The following SLC1A3 variants were observed in gnomAD, a reference collection of about 807,000 sequenced individuals.
SLC1A3 encodes the protein excitatory amino acid transporter 1.
SLC1A3 carries 21 observed loss-of-function variants against 48.1 expected under a neutral mutation model. That is an observed-to-expected ratio of 0.44 (90% CI 0.31 to 0.63). SLC1A3 has a LOEUF of 0.63. SLC1A3 is among the 20% of genes least tolerant of loss of function. SLC1A3 has a pLI of 0.08. For synonymous variants in SLC1A3, 239 were observed against 251.4 expected, an observed-to-expected ratio of 0.95 and a Z score of 0.47; for missense variants, 546 against 689.0, an observed-to-expected ratio of 0.79 and a Z score of 2.32.
intron 2 of SLC1A3, chr5:36,609,006 T>C (rs1168048612): frequency 2.0e-6 from 2 of 998,540 alleles, no homozygotes; most frequent in Non-Finnish European, 2.4e-6. Flanking sequence ...TAAAATGACA[T>C]GTTGGTTCCA....
intron 3 of SLC1A3, among the ~76,000 whole-genome samples, chr5:36,634,206 G>A (rs999304397): frequency 1.3e-5 from 2 of 152,052 alleles, no homozygotes; most frequent in Admixed American, 6.6e-5. Flanking sequence ...AACCCAGGAG[G>A]CTGAGGTTAC....
Position 36,608,390 on chromosome 5 carries a change from G to C in SLC1A3, c.-34G>C, listed in dbSNP as rs1477257561. 1.2e-6 allele frequency: 2 copies of C among 1,608,618 alleles called. No individual in the cohort carries two copies. Among genetic ancestry groups the C allele is most frequent in the South Asian group, 2.2e-5 (2 of 90,950 alleles). On this transcript the variant is annotated 5_prime_UTR_variant, in exon 2 of 10. Coordinates refer to ENST00000265113, the MANE Select transcript of SLC1A3 (RefSeq NM_004172.5). ...CTGTGGGTGATTCCCAGACACTGAA[G>C]TGCAAAGAAGAGACCCTCCTAGAAA...
intron 1 of SLC1A3, among the ~76,000 whole-genome samples, chr5:36,600,924 G>T (rs1227284330): frequency 3.3e-5 from 5 of 152,262 alleles, no homozygotes; most frequent in Middle Eastern, 3.4e-3. Flanking sequence ...TGTGCTCAAG[G>T]CCCAGTTTCC....
At chr5:36,607,932 T>C (rs1441789116) in intron 1 of SLC1A3, among the ~76,000 whole-genome samples, 1 of 152,190 alleles carries the variant, frequency 6.6e-6, no homozygotes, top group East Asian at 1.9e-4. Flanking sequence ...ACAGCATAAT[T>C]TGTCAAGTAA....
chr5:36,605,310 G>A (rs1490600584), upstream of SLC1A3, among the ~76,000 whole-genome samples: 1 of 152,140 alleles, frequency 6.6e-6, no homozygotes, highest in Non-Finnish European at 1.5e-5. Context: ...AGGAAGGGAA[G>A]GGTCACTGAG....
chr5:36,620,423 G>T (rs911068287), intron 2 of SLC1A3, among the ~76,000 whole-genome samples: 10 of 152,204 alleles, frequency 6.6e-5, no homozygotes, highest in Non-Finnish European at 1.3e-4. Flanking sequence ...CAGTCCCACA[G>T]ACCATGAGAG....
intron 3 of SLC1A3, among the ~76,000 whole-genome samples, chr5:36,658,582 A>T (rs1368975552): frequency 6.6e-6 from 1 of 152,166 alleles, no homozygotes; most frequent in Non-Finnish European, 1.5e-5. Context: ...GGTTAAAAGG[A>T]ATGAGATTTT....
At position 36,608,333 on chromosome 5, in the gene SLC1A3, G is replaced by A. The variant is rs1739043422; in HGVS notation, c.-91G>A. ...TCTCTTTTTCTCCCATTCTAGTTGT[G>A]TTTTCTAATACCAAAGAGGAGGTTT... is the stretch of plus-strand genomic sequence containing the variant. On this transcript the variant is annotated 5_prime_UTR_variant, in exon 2 of 10. Transcript: ENST00000265113. The A allele has an allele frequency of 8.2e-7, 1 of 1,214,512 alleles. No homozygotes were observed. The highest frequency in any genetic ancestry group is 1.2e-6 in the Non-Finnish European group (1 of 833,038). 75.2% of individuals were successfully genotyped at this position (1,214,512 alleles called of 1,614,324 possible). A position where few individuals can be genotyped will look rare whatever the true frequency, so the allele number is the denominator to read the frequency against.
intron 2 of SLC1A3, among the ~76,000 whole-genome samples, chr5:36,609,637 T>G (rs138389788): frequency 1.3e-5 from 2 of 152,222 alleles, no homozygotes; most frequent in African/African-American, 2.4e-5. Flanking sequence ...AAATGAAGTA[T>G]AGCAGGAGAG....
intron 2 of SLC1A3, among the ~76,000 whole-genome samples, chr5:36,616,368 A>G (rs1438494793): frequency 6.6e-6 from 1 of 152,224 alleles, no homozygotes; most frequent in African/African-American, 2.4e-5. Flanking sequence ...AAAGGAAGAT[A>G]TACCCTGGAT....
chr5:36,625,113 A>C (rs1433522375), intron 2 of SLC1A3, among the ~76,000 whole-genome samples: 1 of 152,254 alleles, frequency 6.6e-6, no homozygotes, highest in Non-Finnish European at 1.5e-5. Flanking sequence ...TATGAGATCT[A>C]TAAGCCTGAG....
upstream of SLC1A3, among the ~76,000 whole-genome samples, chr5:36,604,875 C>A: frequency 8.1e-6 from 1 of 124,112 alleles, no homozygotes; most frequent in Admixed American, 9.2e-5. Context: ...CAATACAAGT[C>A]AAAGTCATTT....
chr5:36,629,333 T>A (rs1740035313), intron 2 of SLC1A3, 117 bp from the exon 3 acceptor site: 8 of 870,326 alleles, frequency 9.2e-6, no homozygotes, highest in African/African-American at 3.4e-5. Flanking sequence ...GCACAGATAT[T>A]TGCTGCTTAA....
chr5:36,611,947 A>G (rs143297483), intron 2 of SLC1A3, among the ~76,000 whole-genome samples: 282 of 152,362 alleles, frequency 1.9e-3, no homozygotes, highest in African/African-American at 6.3e-3. Flanking sequence ...TCATAAGATC[A>G]GCTGCAAGGT....
chr5:36,634,142 G>A (rs529217805), intron 3 of SLC1A3, among the ~76,000 whole-genome samples: 12 of 152,206 alleles, frequency 7.9e-5, no homozygotes, highest in South Asian at 6.2e-4. Context: ...CAGGAGTGGT[G>A]GCGTGTGCCT....
At chr5:36,669,299 C>T (rs990114216) in intron 3 of SLC1A3, 3 of 152,114 alleles carry the variant, frequency 2.0e-5, no homozygotes, top group Non-Finnish European at 4.4e-5. Flanking sequence ...TGGGATACTT[C>T]GGTTGGGAAC....
chr5:36,647,279 A>G (rs766926146), intron 3 of SLC1A3, among the ~76,000 whole-genome samples: 1 of 152,182 alleles, frequency 6.6e-6, no homozygotes, highest in Non-Finnish European at 1.5e-5. Context: ...CTGTTGACCA[A>G]TTTCTATTTC....
At chr5:36,636,521 CTCTCTCTTTCCT>C (rs1740391461) in intron 3 of SLC1A3, 2 of 119,916 alleles carry the variant, frequency 1.7e-5, no homozygotes, top group South Asian at 5.3e-4. Context: ...TTCTTTCTTT[CTCTCTCTTTCCT>C]TTTCTCTCTC....
intron 3 of SLC1A3, among the ~76,000 whole-genome samples, chr5:36,660,236 C>A (rs1014063329): frequency 1.3e-5 from 2 of 152,102 alleles, no homozygotes; most frequent in Non-Finnish European, 2.9e-5. Flanking sequence ...CTCAAGTCAA[C>A]CAAATGTTAC....
Sources: allele counts gnomAD v4.1 joint callset (sites outside exome capture counted in the v4.1 genomes callset), GRCh38; gene constraint gnomAD v4.1.1; transcripts MANE v1.5; gene names NCBI Gene and HGNC (gene_info 2026-07-23, HGNC 2026-07-21).